The following DCC variants were observed in gnomAD, a reference collection of about 807,000 sequenced individuals.
DCC encodes the protein DCC netrin 1 receptor.
A neutral mutation model predicts 172.5 loss-of-function variants in DCC; 58 were observed. That is an observed-to-expected ratio of 0.34 (90% CI 0.27 to 0.42). The LOEUF (loss-of-function observed/expected upper bound fraction) is 0.42, where lower values mean the gene tolerates loss of function less well. DCC is among the 10% of genes least tolerant of loss of function. The pLI is 1.00. For missense variants in DCC, 1,740 were observed against 1,791.0 expected (o/e 0.97, Z 0.51); for synonymous variants, 709 against 644.5 (o/e 1.10, Z -1.52).
chr18:52,769,545 A>G (rs184790294), intron 2 of DCC, among the ~76,000 whole-genome samples: 257 of 152,272 alleles, frequency 1.7e-3, no homozygotes, highest in Non-Finnish European at 3.0e-3. Context: ...TCTTGATGGC[A>G]TCCTTCATGG....
rs374235222 is a variant in DCC at position 52,846,974 on chromosome 18, T to TG, written c.413-59069dup. The stretch of plus-strand genomic sequence containing the variant: ...CTGTGCAGTAAGAAGTCAGCCTGCC[T>TG]GACTTCAATATGTAAGTGTTATGTT... On this transcript the variant is annotated intron_variant, in intron 2 of 28. Transcript: ENST00000442544. Among the ~76,000 whole-genome samples the TG allele has an allele frequency of 3.2e-3, 481 of 152,310 alleles. 3 individuals carry two copies. The highest frequency in any genetic ancestry group is 0.011 in the African/African-American group (458 of 41,570).
At chr18:53,307,924 T>C (rs1204340909) in intron 13 of DCC, among the ~76,000 whole-genome samples, 3 of 102,442 alleles carry the variant, frequency 2.9e-5, no homozygotes, top group African/African-American at 1.0e-4. Context: ...TATATATATA[T>C]ATATATATAT....
rs117263340 is a variant in DCC, at chr18:53,368,891, C to T, written c.2360-17152C>T. Among the ~76,000 whole-genome samples, 844 of 151,928 alleles carry T rather than the reference C, an allele frequency of 5.6e-3. 6 individuals carry two copies. Among genetic ancestry groups the T allele is most frequent in the Admixed American group, 0.024 (371 of 15,234 alleles). ...AAAAGTATGCGTCTTCCCCTTTATT[C>T]TCCTTTTTCAAAATTGTTTTGGCTA... On this transcript the variant is annotated intron_variant, in intron 15 of 28. Coordinates refer to ENST00000442544, the MANE Select transcript of DCC (RefSeq NM_005215.4).
intron 2 of DCC, among the ~76,000 whole-genome samples, chr18:52,790,256 G>T (rs1259261521): frequency 1.3e-5 from 2 of 152,166 alleles, no homozygotes; most frequent in Non-Finnish European, 2.9e-5. Flanking sequence ...AGGCTTATGG[G>T]ATCCTGGGTC....
chr18:52,908,088 G>C (rs1420793571), intron 3 of DCC, among the ~76,000 whole-genome samples: 1 of 152,172 alleles, frequency 6.6e-6, no homozygotes, highest in African/African-American at 2.4e-5. Context: ...AATTGGAACT[G>C]ACTACATCTC....
intron 12 of DCC, among the ~76,000 whole-genome samples, chr18:53,305,297 C>T (rs1452998235): frequency 6.6e-6 from 1 of 152,114 alleles, no homozygotes; most frequent in Non-Finnish European, 1.5e-5. Flanking sequence ...TGTTTTGTGG[C>T]TTTATACCAT....
intron 7 of DCC, among the ~76,000 whole-genome samples, chr18:53,103,760 C>G (rs551319381): frequency 6.6e-6 from 1 of 152,120 alleles, no homozygotes; most frequent in Non-Finnish European, 1.5e-5. Flanking sequence ...TTTATTAAGA[C>G]ATTAGGTTCT....
At position 52,505,874 on chromosome 18, in the gene DCC, T is replaced by C. The variant is rs574573993; in HGVS notation, c.91+164996T>C. Among the ~76,000 whole-genome samples, 17 of 152,298 alleles carry C rather than the reference T, an allele frequency of 1.1e-4. No homozygotes were observed. The South Asian group carries it at 3.5e-3, about 32-fold the overall frequency. ...TTTCAAAGAAATTCTGAAACAGCTG[T>C]AATATTTTTGAAATACTTGTTAGTG... On this transcript the variant is annotated intron_variant, in intron 1 of 28. Transcript: ENST00000442544.
At chr18:52,704,995 T>C (rs948357763) in intron 1 of DCC, among the ~76,000 whole-genome samples, 1 of 152,148 alleles carries the variant, frequency 6.6e-6, no homozygotes, top group African/African-American at 2.4e-5. Flanking sequence ...TTGGGGCACT[T>C]GGTTCCCAGT....
At chr18:52,445,995 G>C (rs761720039) in intron 1 of DCC, among the ~76,000 whole-genome samples, 62 of 152,150 alleles carry the variant, frequency 4.1e-4, no homozygotes, top group Non-Finnish European at 8.4e-4. Flanking sequence ...GCAGTGGCGG[G>C]ATCTCGGCTC....
In DCC at chr18:52,879,412, C is replaced by CTTTTTTTTTTTTTTTTTTTTTTT. The variant is rs71175533; in HGVS notation, c.413-26625_413-26603dup. Among the ~76,000 whole-genome samples the CTTTTTTTTTTTTTTTTTTTTTTT allele has an allele frequency of 2.4e-3, 147 of 62,316 alleles. 37 individuals are homozygous for CTTTTTTTTTTTTTTTTTTTTTTT. Among genetic ancestry groups the CTTTTTTTTTTTTTTTTTTTTTTT allele is most frequent in the East Asian group, 4.7e-3 (8 of 1,698 alleles). The allele number at this position is 62,316 out of a possible 152,430, so 40.9% of individuals were successfully genotyped here. Reference sequence around the variant, plus strand: ...AATTTCTAGCCCATATGTTGTTTGGCTTTTTTTTTTTTTTTTTTTTTTTTT... The same window carrying CTTTTTTTTTTTTTTTTTTTTTTT: ...AATTTCTAGCCCATATGTTGTTTGGCTTTTTTTTTTTTTTTTTTTTTTTTTTTTTTTTTTTTTTTTTTTTTTTT... On this transcript the variant is annotated intron_variant, in intron 2 of 28. Transcript: ENST00000442544.
chr18:53,393,697 A>G (rs1190403972), intron 17 of DCC, among the ~76,000 whole-genome samples: 2 of 152,216 alleles, frequency 1.3e-5, no homozygotes, highest in African/African-American at 4.8e-5. Flanking sequence ...CTAAGGAAAA[A>G]TGATTGTTTT....
chr18:53,413,221 A>T (rs915804149), intron 20 of DCC, among the ~76,000 whole-genome samples: 2 of 152,190 alleles, frequency 1.3e-5, no homozygotes, highest in African/African-American at 4.8e-5. Context: ...TGGTATTCAG[A>T]GTGAAAGCCC....
At chr18:52,933,475 G>A (rs1437066014) in intron 5 of DCC, among the ~76,000 whole-genome samples, 1 of 151,882 alleles carries the variant, frequency 6.6e-6, no homozygotes, top group Non-Finnish European at 1.5e-5. Flanking sequence ...TCTGACAGGA[G>A]GTAGTAAATG....
intron 8 of DCC, among the ~76,000 whole-genome samples, chr18:53,162,174 C>A (rs574124877): frequency 6.6e-6 from 1 of 151,778 alleles, no homozygotes; most frequent in Non-Finnish European, 1.5e-5. Context: ...TGGCACGCAC[C>A]TGTAATCCTG....
intron 5 of DCC, among the ~76,000 whole-genome samples, chr18:52,941,502 G>GTA (rs1555684832): frequency 0.015 from 2,229 of 148,878 alleles, 52 homozygotes; most frequent in African/African-American, 0.049. Context: ...GTGTGTGTGT[G>GTA]TATATATATA....
intron 1 of DCC, among the ~76,000 whole-genome samples, chr18:52,700,289 TGCACATCCACACACACATGC>T (rs2036096654): frequency 1.4e-5 from 2 of 139,620 alleles, no homozygotes; most frequent in African/African-American, 2.8e-5. Context: ...TGCACACACA[TGCACATCCACACACACATGC>T]ACACATGCAC....
At chr18:52,343,705 T>C (rs1983755849) in intron 1 of DCC, among the ~76,000 whole-genome samples, 1 of 152,248 alleles carries the variant, frequency 6.6e-6, no homozygotes, top group Admixed American at 6.5e-5. Flanking sequence ...TATTAATTAA[T>C]TCTTCATACA....
chr18:53,324,221 T>C (rs2057442255), intron 14 of DCC, among the ~76,000 whole-genome samples: 1 of 152,286 alleles, frequency 6.6e-6, no homozygotes, highest in Non-Finnish European at 1.5e-5. Context: ...TAACTTGTCT[T>C]AGGTTATATA....
Sources: allele counts gnomAD v4.1 joint callset (sites outside exome capture counted in the v4.1 genomes callset), GRCh38; gene constraint gnomAD v4.1.1; transcripts MANE v1.5; gene names NCBI Gene and HGNC (gene_info 2026-07-23, HGNC 2026-07-21).